The following WFDC1 variants were observed in gnomAD, a reference collection of about 807,000 sequenced individuals.
WFDC1 encodes WAP four-disulfide core domain protein 1.
WFDC1 carries 39 observed loss-of-function variants against 32.9 expected under a neutral mutation model. The ratio of observed to expected loss-of-function variants is 1.19; its 90% confidence interval spans 0.92 to 1.55. The LOEUF (loss-of-function observed/expected upper bound fraction) is 1.55. Among genes scored for constraint, WFDC1 ranks in the 40% most tolerant of loss-of-function variants. The probability of loss-of-function intolerance (pLI) is 0.00; values close to 1 mark genes in which losing one functional copy is unlikely to be tolerated. For synonymous variants in WFDC1, 184 were observed against 137.4 expected (o/e 1.34, Z -2.37); for missense variants, 386 against 309.5 (o/e 1.25, Z -1.85).
Position 84,295,120 on chromosome 16 carries a change from G to A in WFDC1, c.144+5G>A. 6.2e-7 allele frequency: 1 copy of A among 1,613,610 alleles called. No homozygotes were observed. The highest frequency in any genetic ancestry group is 8.5e-7 in the Non-Finnish European group (1 of 1,179,684). ...AGGCTGGCCGAGAAATCCCGTGTAA[G>A]TGCCTGGGATGGGGAGGCTGGGGCA... On this transcript the variant is annotated splice_donor_5th_base_variant and intron_variant, in intron 1 of 6. Transcript: ENST00000219454.
At chr16:84,324,611 C>A in intron 5 of WFDC1, 151 bp downstream of exon 5, 2 of 838,854 alleles carry the variant, frequency 2.4e-6, no homozygotes, top group South Asian at 3.5e-5. Flanking sequence ...GACCTGTGGT[C>A]TGATGGTGGG....
chr16:84,320,749 G>A (rs962810627), intron 4 of WFDC1, among the ~76,000 whole-genome samples: 5 of 152,178 alleles, frequency 3.3e-5, no homozygotes, highest in African/African-American at 7.2e-5. Context: ...CCCTGTCCCC[G>A]CTTCGGCATC....
At chr16:84,310,781 T>C (rs1907568401) in intron 1 of WFDC1, among the ~76,000 whole-genome samples, 1 of 152,238 alleles carries the variant, frequency 6.6e-6, no homozygotes, top group African/African-American at 2.4e-5. Flanking sequence ...ATCTTTCATA[T>C]GTGGCACATT....
At chr16:84,305,165 G>C (rs1907177610) in intron 1 of WFDC1, among the ~76,000 whole-genome samples, 1 of 152,256 alleles carries the variant, frequency 6.6e-6, no homozygotes, top group South Asian at 2.1e-4. Context: ...TGAGGACCCA[G>C]CACAGCATTG....
At chr16:84,325,391 C>T (rs559111423) in intron 5 of WFDC1, among the ~76,000 whole-genome samples, 11 of 152,110 alleles carry the variant, frequency 7.2e-5, no homozygotes, top group East Asian at 3.9e-4. Context: ...TTAGTAGAGA[C>T]GAGGTTTCAC....
At chr16:84,299,220 C>T (rs973700130) in intron 1 of WFDC1, among the ~76,000 whole-genome samples, 3 of 151,882 alleles carry the variant, frequency 2.0e-5, no homozygotes, top group Admixed American at 6.6e-5. Context: ...AAAAATTAGC[C>T]GGGCATGGTG....
At position 84,324,879 on chromosome 16, in the gene WFDC1, C is replaced by G. The variant is rs539474608; in HGVS notation, c.604+419C>G. ...ACCCACCATCCATCCATCCATCCAC[C>G]GATTCATCCATCCATCCTCTCATTC... On this transcript the variant is annotated intron_variant, in intron 5 of 6. Coordinates refer to ENST00000219454, the MANE Select transcript of WFDC1 (RefSeq NM_021197.4). Among the ~76,000 whole-genome samples the G allele has an allele frequency of 2.0e-5, 3 of 151,822 alleles. 1 individual carries two copies. The South Asian group carries it at 6.3e-4, about 32-fold the overall frequency.
intron 4 of WFDC1, among the ~76,000 whole-genome samples, chr16:84,320,938 T>G (rs1908272347): frequency 6.6e-6 from 1 of 152,220 alleles, no homozygotes; most frequent in Admixed American, 6.5e-5. Context: ...AAATCAGTCA[T>G]GCATTTAATG....
intron 2 of WFDC1, among the ~76,000 whole-genome samples, chr16:84,313,682 G>T (rs921682390): frequency 2.0e-5 from 3 of 152,184 alleles, no homozygotes; most frequent in Non-Finnish European, 2.9e-5. Context: ...CTCATGCCTG[G>T]CCCTGGGGTA....
intron 1 of WFDC1, among the ~76,000 whole-genome samples, chr16:84,308,572 G>C (rs968791549): frequency 6.6e-6 from 1 of 152,256 alleles, no homozygotes; most frequent in Non-Finnish European, 1.5e-5. Flanking sequence ...CTTCCAGGCA[G>C]AGGACCAGCA....
At chr16:84,325,491 C>A (rs912654953) in intron 5 of WFDC1, among the ~76,000 whole-genome samples, 7 of 151,992 alleles carry the variant, frequency 4.6e-5, no homozygotes, top group Admixed American at 1.3e-4. Flanking sequence ...GCATGAGCCA[C>A]TGTGCCTGGC....
chr16:84,324,066 G>C (rs1386400904), intron 4 of WFDC1, among the ~76,000 whole-genome samples: 1 of 152,132 alleles, frequency 6.6e-6, no homozygotes, highest in East Asian at 1.9e-4. Context: ...GTTACAGTGA[G>C]CTGAGATCAT....
At chr16:84,300,785 C>T (rs1906888070) in intron 1 of WFDC1, among the ~76,000 whole-genome samples, 1 of 152,150 alleles carries the variant, frequency 6.6e-6, no homozygotes, top group Non-Finnish European at 1.5e-5. Context: ...GCCTGGCCAA[C>T]ATGCTGAAAC....
intron 1 of WFDC1, among the ~76,000 whole-genome samples, chr16:84,297,617 CAAAAAAAAAAAA>C (rs150683526): frequency 9.6e-4 from 67 of 69,462 alleles, no homozygotes; most frequent in Admixed American, 1.8e-3. Flanking sequence ...AACTCTGTCT[CAAAAAAAAAAAA>C]AAAAAAAAAA....
intron 1 of WFDC1, among the ~76,000 whole-genome samples, chr16:84,308,794 G>C (rs1402691431): frequency 2.0e-5 from 3 of 152,150 alleles, no homozygotes; most frequent in Non-Finnish European, 4.4e-5. Flanking sequence ...GCTGAGTGTA[G>C]ACGCCAGCCT....
In WFDC1 at chr16:84,324,551, C is replaced by A; in HGVS notation, c.604+91C>A. 3 of 1,452,388 alleles carry A rather than the reference C, an allele frequency of 2.1e-6. No individual in the cohort carries two copies. In the South Asian group the frequency reaches 3.7e-5, roughly 18 times the overall value. The allele number at this position is 1,452,388 out of a possible 1,614,324, so 90.0% of individuals were successfully genotyped here. On this transcript the variant is annotated intron_variant, in intron 5 of 6. Coordinates refer to ENST00000219454, the MANE Select transcript of WFDC1 (RefSeq NM_021197.4). ...TGAAGAAAAAAATAAAAGCCCAGGGCTGAGATATAGGGAACAAAATGGGAC... is the reference window on the plus strand; with the variant it reads ...TGAAGAAAAAAATAAAAGCCCAGGGATGAGATATAGGGAACAAAATGGGAC...
intron 1 of WFDC1, among the ~76,000 whole-genome samples, chr16:84,306,856 G>T (rs1347077626): frequency 6.6e-6 from 1 of 152,170 alleles, no homozygotes; most frequent in African/African-American, 2.4e-5. Flanking sequence ...TGTTCTACGA[G>T]CCAGGGACAC....
At chr16:84,316,694 T>G (rs1907969173) in intron 2 of WFDC1, 1 of 152,206 alleles carries the variant, frequency 6.6e-6, no homozygotes, top group Non-Finnish European at 1.5e-5. Context: ...AAATACAGAC[T>G]TGGCCGGGTG....
At position 84,304,743 on chromosome 16, in the gene WFDC1, G is replaced by A. The variant is rs540760780; in HGVS notation, c.145-8218G>A. On this transcript the variant is annotated intron_variant, in intron 1 of 6. Coordinates refer to ENST00000219454, the MANE Select transcript of WFDC1 (RefSeq NM_021197.4). ...TGTCCTCCTTTCTCAGGGATTTCAT[G>A]TGGCATTATTTTGTTTTCATCTGAG... 9.2e-5 allele frequency among the ~76,000 whole-genome samples: 14 copies of A among 152,300 alleles called. No homozygotes were observed. In the South Asian group the frequency reaches 2.9e-3, roughly 32 times the overall value.
Sources: allele counts gnomAD v4.1 joint callset (sites outside exome capture counted in the v4.1 genomes callset), GRCh38; gene constraint gnomAD v4.1.1; transcripts MANE v1.5; gene names NCBI Gene and HGNC (gene_info 2026-07-23, HGNC 2026-07-21).